NINJ1: variants seen among roughly 807,000 people sequenced by gnomAD.
The protein encoded by NINJ1 is ninjurin 1, also known as ninjurin-1.
Under a neutral mutation model 12.7 loss-of-function variants are expected in NINJ1, and 6 were observed. The observed-to-expected ratio is 0.47, with a 90% CI of 0.26 to 0.93. The LOEUF (loss-of-function observed/expected upper bound fraction) is 0.93, where lower values mean the gene tolerates loss of function less well. NINJ1 is among the 40% of genes least tolerant of loss of function. The pLI is 0.15. For synonymous variants in NINJ1, 100 were observed against 96.0 expected, an observed-to-expected ratio of 1.04 and a Z score of -0.25; for missense variants, 170 against 213.0, an observed-to-expected ratio of 0.80 and a Z score of 1.26.
rs1013849754 is a variant in NINJ1 at position 93,128,337 on chromosome 9, G to A, written c.76-1699C>T. On this transcript the variant is annotated intron_variant, in intron 1 of 3. Transcript: ENST00000375446. ...AGCACAGCCAGGGCACTCACCAAGT[G>A]AGAGGCTGTGTTCCTCTCCCATTCT... Among the ~76,000 whole-genome samples, 90 of 152,218 alleles carry A rather than the reference G, an allele frequency of 5.9e-4. 2 individuals are homozygous for A. Among genetic ancestry groups the A allele is most frequent in the Non-Finnish European group, 1.5e-4 (10 of 68,032 alleles).
At position 93,126,391 on chromosome 9, in the gene NINJ1, C is replaced by A. The variant is rs1189670305; in HGVS notation, c.304+19G>T. 3.1e-6 allele frequency: 5 copies of A among 1,600,030 alleles called. No homozygotes were observed. Among genetic ancestry groups the A allele is most frequent in the South Asian group, 1.1e-5 (1 of 90,290 alleles). ...GCAAGGTGAGCAGGTGGCCTGGCTG[C>A]CCCCACCTGGGGACCTACCAAGGAA... On this transcript the variant is annotated intron_variant, in intron 2 of 3. Coordinates refer to ENST00000375446, the MANE Select transcript of NINJ1 (RefSeq NM_004148.4).
chr9:93,126,666 C>A, intron 1 of NINJ1, 28 bp from the exon 2 acceptor site: 1 of 884,306 alleles, frequency 1.1e-6, no homozygotes, highest in Non-Finnish European at 1.6e-6. Context: ...GTCAGCAAGG[C>A]GGGTGGGGGA....
At position 93,121,699 on chromosome 9, in the gene NINJ1, G is replaced by C. The variant is rs1160343599; in HGVS notation, c.*541C>G. On this transcript the variant is annotated 3_prime_UTR_variant, in exon 4 of 4. Coordinates refer to ENST00000375446, the MANE Select transcript of NINJ1 (RefSeq NM_004148.4). ...TTAAGACCAGAGCCAGTGGCCATCC[G>C]TAGGGCCAAAGGCAGTTCTGGCTGT... The C allele has an allele frequency of 6.6e-6, 1 of 152,362 alleles. No individual in the cohort carries two copies. Among genetic ancestry groups the C allele is most frequent in the South Asian group, 2.1e-4 (1 of 4,838 alleles). 9.4% of individuals were successfully genotyped at this position (152,362 alleles called of 1,614,324 possible).
intron 1 of NINJ1, among the ~76,000 whole-genome samples, chr9:93,131,748 C>T (rs1338158474): frequency 6.6e-6 from 1 of 152,216 alleles, no homozygotes; most frequent in Non-Finnish European, 1.5e-5. Context: ...TGAAGGGCCA[C>T]AGGGGCGCAG....
At chr9:93,128,044 C>A (rs1320286524) in intron 1 of NINJ1, among the ~76,000 whole-genome samples, 1 of 152,206 alleles carries the variant, frequency 6.6e-6, no homozygotes, top group African/African-American at 2.4e-5. Context: ...CGTCAGGGGA[C>A]ACTGGTGGGC....
At chr9:93,126,172 G>A in intron 2 of NINJ1, 2 of 542,866 alleles carry the variant, frequency 3.7e-6, no homozygotes. Flanking sequence ...ATTCCAGCCT[G>A]GGTGACAGAG....
In NINJ1 at chr9:93,122,237, A is replaced by C. The variant is rs1327068893; in HGVS notation, c.*10-7T>G. 6.5e-6 allele frequency: 1 copy of C among 153,240 alleles called. No individual in the cohort carries two copies. Among genetic ancestry groups the C allele is most frequent in the Non-Finnish European group, 1.5e-5 (1 of 68,848 alleles). 9.5% of individuals were successfully genotyped at this position (153,240 alleles called of 1,614,324 possible). On this transcript the variant is annotated splice_polypyrimidine_tract_variant and splice_region_variant and intron_variant, in intron 3 of 3. Transcript: ENST00000375446. ...GCAGGCAACATCCAGGGTCCTGGAAAGGAGACAGAGGAGAGGCTCTGAGCC... is the reference window on the plus strand; with the variant it reads ...GCAGGCAACATCCAGGGTCCTGGAACGGAGACAGAGGAGAGGCTCTGAGCC...
At chr9:93,126,270 A>G (rs553800567) in intron 2 of NINJ1, 140 bp downstream of exon 2, 165 of 652,716 alleles carry the variant, frequency 2.5e-4, no homozygotes, top group African/African-American at 2.5e-3. Flanking sequence ...CCTGGACTGC[A>G]TGTCTGGGTG....
At chr9:93,123,835 G>A (rs1366265831) in intron 3 of NINJ1, among the ~76,000 whole-genome samples, 1 of 152,248 alleles carries the variant, frequency 6.6e-6, no homozygotes, top group Non-Finnish European at 1.5e-5. Context: ...TGTGGCCCTG[G>A]CCATGGCTGC....
intron 1 of NINJ1, among the ~76,000 whole-genome samples, chr9:93,127,984 G>T (rs1564219727): frequency 6.6e-6 from 1 of 152,244 alleles, no homozygotes; most frequent in African/African-American, 2.4e-5. Context: ...TTCATGCTGC[G>T]TGTTTTTCAG....
chr9:93,129,798 T>C (rs1416514232), intron 1 of NINJ1, among the ~76,000 whole-genome samples: 2 of 152,136 alleles, frequency 1.3e-5, no homozygotes, highest in East Asian at 1.9e-4. Context: ...GCAGGCCACA[T>C]TGGGAGCATC....
chr9:93,134,122 G>C lies in NINJ1; in HGVS notation c.75+21C>G, dbSNP rs901377908. Reference sequence around the variant, plus strand: ...GGACAGGGCCTGGCAAGATCATGCAGCGGTGGGGGGAAGGTCTTACCGAGG... The same window carrying C: ...GGACAGGGCCTGGCAAGATCATGCACCGGTGGGGGGAAGGTCTTACCGAGG... On this transcript the variant is annotated intron_variant, in intron 1 of 3. Coordinates refer to ENST00000375446, the MANE Select transcript of NINJ1 (RefSeq NM_004148.4). 1.5e-5 allele frequency: 23 copies of C among 1,536,990 alleles called. No individual in the cohort carries two copies. The African/African-American group carries it at 2.9e-4, about 20-fold the overall frequency.
intron 1 of NINJ1, among the ~76,000 whole-genome samples, chr9:93,131,179 G>A (rs967971201): frequency 9.2e-5 from 14 of 152,234 alleles, no homozygotes; most frequent in Non-Finnish European, 1.6e-4. Flanking sequence ...CAGGAAGCAG[G>A]CCCTGAGAGG....
chr9:93,131,454 G>A (rs1295247354), intron 1 of NINJ1: 1 of 152,234 alleles, frequency 6.6e-6, no homozygotes, highest in Non-Finnish European at 1.5e-5. Flanking sequence ...GCACGGCCCA[G>A]ACGGCAGGTA....
rs1827813768 is a variant in NINJ1 at position 93,126,597 on chromosome 9, G to A, written c.117C>T (p.Asn39=). Residue 39 remains asparagine (N), a synonymous_variant, in exon 2 of 4, where the codon AAC becomes AAT. Coordinates refer to ENST00000375446, the MANE Select transcript of NINJ1 (RefSeq NM_004148.4). ...WGWRHGPINV[N]HYASKKSAAE... Reference sequence around the variant, plus strand: ...CTGCGCTCTTCTTGCTGGCGTAATGGTTCACGTTGATGGGCCCGTGCCTCC... The same window carrying A: ...CTGCGCTCTTCTTGCTGGCGTAATGATTCACGTTGATGGGCCCGTGCCTCC... 3.7e-6 allele frequency: 6 copies of A among 1,612,406 alleles called. No individual in the cohort carries two copies. Among genetic ancestry groups the A allele is most frequent in the Non-Finnish European group, 5.1e-6 (6 of 1,178,952 alleles).
intron 1 of NINJ1, among the ~76,000 whole-genome samples, chr9:93,128,835 C>T (rs1827849321): frequency 1.3e-5 from 2 of 151,310 alleles, no homozygotes; most frequent in Admixed American, 1.3e-4. Context: ...CCCAGAAAGA[C>T]ACACATAGAC....
intron 1 of NINJ1, among the ~76,000 whole-genome samples, chr9:93,128,532 G>A (rs1242269264): frequency 1.3e-5 from 2 of 152,246 alleles, no homozygotes; most frequent in Non-Finnish European, 2.9e-5. Flanking sequence ...GTCGTCTCCA[G>A]TTCTGCTCTT....
intron 1 of NINJ1, 139 bp downstream of exon 1, chr9:93,134,004 G>C (rs886069402): frequency 1.5e-5 from 8 of 523,890 alleles, no homozygotes; most frequent in Non-Finnish European, 2.5e-5. Context: ...CTGATGGGGC[G>C]GGAAGGACTT....
intron 3 of NINJ1, 101 bp downstream of exon 3, chr9:93,124,798 G>A: frequency 7.8e-7 from 1 of 1,279,328 alleles, no homozygotes; most frequent in East Asian, 2.5e-5. Context: ...GGCCTAGGAA[G>A]GTGTCCAAGG....
Sources: gnomAD v4.1 joint callset for allele counts (sites outside exome capture counted in the v4.1 genomes callset) on GRCh38, gnomAD v4.1.1 for gene constraint, MANE v1.5 for transcripts, NCBI Gene and HGNC (gene_info 2026-07-23, HGNC 2026-07-21) for gene names.